The following SDK1 variants were observed in gnomAD, a reference collection of about 807,000 sequenced individuals.
SDK1 encodes the protein sidekick cell adhesion molecule 1.
In SDK1, 157 loss-of-function variants were observed where a neutral mutation model predicts 245.5. The observed-to-expected ratio is 0.64, with a 90% CI of 0.56 to 0.73. The LOEUF is 0.73. Among genes scored for constraint, SDK1 ranks in the 30% least tolerant of loss-of-function variants. SDK1 has a pLI of 0.00. For missense variants in SDK1, 3,583 were observed against 3,002.3 expected (o/e 1.19, Z -4.52); for synonymous variants, 1,647 against 1,278.5 (o/e 1.29, Z -6.15).
At chr7:3,383,520 C>G (rs74697004) in intron 1 of SDK1, among the ~76,000 whole-genome samples, 3 of 152,086 alleles carry the variant, frequency 2.0e-5, no homozygotes. Flanking sequence ...TCCATGTAAT[C>G]AGATTTTGTG....
At chr7:3,667,197 T>C (rs1783560824) in intron 4 of SDK1, among the ~76,000 whole-genome samples, 1 of 152,218 alleles carries the variant, frequency 6.6e-6, no homozygotes, top group South Asian at 2.1e-4. Flanking sequence ...GAAATACATG[T>C]CCATGAAGTT....
At chr7:4,219,453 CA>C (rs763809331) in intron 38 of SDK1, among the ~76,000 whole-genome samples, 3 of 152,236 alleles carry the variant, frequency 2.0e-5, no homozygotes, top group Non-Finnish European at 4.4e-5. Context: ...AGCAAAGTCA[CA>C]TCTTACATGG....
chr7:3,582,683 T>TAAAAAAAAAAAAAAAAAAAAAAAAAAA (rs71029682), intron 1 of SDK1, among the ~76,000 whole-genome samples: 4 of 69,684 alleles, frequency 5.7e-5, no homozygotes, highest in African/African-American at 2.3e-4. Flanking sequence ...TAAACTAAAG[T>TAAAAAAAAAAAAAAAAAAAAAAAAAAA]AAAAAAAAAA....
chr7:4,266,819 A>G lies in SDK1; in HGVS notation c.*1435A>G. On this transcript the variant is annotated 3_prime_UTR_variant, in exon 45 of 45. Transcript: ENST00000404826. ...CCCGGGTCCCTGTAAGTGCCCCCTC[A>G]CCAGCAGCAGCGTGACACACACAAG... 1.0e-6 allele frequency: 1 copy of G among 985,450 alleles called. No individual in the cohort carries two copies. 61.0% of individuals were successfully genotyped at this position (985,450 alleles called of 1,614,324 possible).
intron 1 of SDK1, among the ~76,000 whole-genome samples, chr7:3,490,828 T>G (rs1207036213): frequency 6.6e-6 from 1 of 152,182 alleles, no homozygotes. Flanking sequence ...CTCCTTTTAG[T>G]ATATACTCTC....
At chr7:3,621,683 C>T (rs1195800889) in intron 2 of SDK1, among the ~76,000 whole-genome samples, 1 of 152,210 alleles carries the variant, frequency 6.6e-6, no homozygotes, top group Non-Finnish European at 1.5e-5. Context: ...GTGGTTTCTC[C>T]TCCATCCCAG....
In SDK1 at chr7:4,128,043, G is replaced by A. The variant is rs547883493; in HGVS notation, c.3939+547G>A. On this transcript the variant is annotated intron_variant, in intron 26 of 44. Coordinates refer to ENST00000404826, the MANE Select transcript of SDK1 (RefSeq NM_152744.4). ...AGCTTCTCTGGGGAGCCATTTCTGG[G>A]TTCCATCTTCCATGCATCCACCCCA... 2.6e-5 allele frequency among the ~76,000 whole-genome samples: 4 copies of A among 152,246 alleles called. No individual in the cohort carries two copies. The East Asian group carries it at 7.7e-4, about 29-fold the overall frequency.
chr7:3,407,141 C>T (rs151100813), intron 1 of SDK1, among the ~76,000 whole-genome samples: 6 of 152,140 alleles, frequency 3.9e-5, no homozygotes, highest in African/African-American at 1.4e-4. Context: ...ACTAATGATG[C>T]GTGGGGTGAA....
At chr7:3,580,680 G>A (rs1043016582) in intron 1 of SDK1, among the ~76,000 whole-genome samples, 2 of 152,070 alleles carry the variant, frequency 1.3e-5, no homozygotes, top group Non-Finnish European at 2.9e-5. Context: ...AAAAACTCTG[G>A]AAGATGGGCT....
chr7:3,839,363 G>A (rs1221625796), intron 5 of SDK1, among the ~76,000 whole-genome samples: 1 of 152,154 alleles, frequency 6.6e-6, no homozygotes. Flanking sequence ...AGAGAGCTTA[G>A]AATTCTTGGT....
At chr7:4,051,224 C>T (rs1479649579) in intron 18 of SDK1, among the ~76,000 whole-genome samples, 1 of 136,490 alleles carries the variant, frequency 7.3e-6, no homozygotes, top group Non-Finnish European at 1.5e-5. Flanking sequence ...ATAACATATA[C>T]TATATATGTT....
At chr7:3,659,015 A>C (rs902749055) in intron 4 of SDK1, among the ~76,000 whole-genome samples, 1 of 152,142 alleles carries the variant, frequency 6.6e-6, no homozygotes, top group Admixed American at 6.5e-5. Context: ...CAGGCCTGGC[A>C]ACCACACATC....
At chr7:4,010,933 G>A in intron 14 of SDK1, 33 bp from the exon 15 acceptor site, 3 of 1,612,382 alleles carry the variant, frequency 1.9e-6, no homozygotes, top group Non-Finnish European at 2.5e-6. Flanking sequence ...TGATAAGCCT[G>A]TGGGCTTGAA....
chr7:4,193,733 C>T lies in SDK1; in HGVS notation c.5099-12146C>T, dbSNP rs528722631. Reference sequence around the variant, plus strand: ...CTCTTCCTCTACAGGAGTGAAGACTCTCACTCAAGGCAATCTTAGCAGACT... The same window carrying T: ...CTCTTCCTCTACAGGAGTGAAGACTTTCACTCAAGGCAATCTTAGCAGACT... On this transcript the variant is annotated intron_variant, in intron 35 of 44. Transcript: ENST00000404826. Among the ~76,000 whole-genome samples the T allele has an allele frequency of 3.9e-5, 6 of 152,234 alleles. No individual in the cohort carries two copies. The South Asian group carries it at 1.2e-3, about 32-fold the overall frequency.
chr7:3,636,922 C>T (rs1782471968), intron 2 of SDK1, among the ~76,000 whole-genome samples: 1 of 152,056 alleles, frequency 6.6e-6, no homozygotes, highest in Non-Finnish European at 1.5e-5. Flanking sequence ...TTTGCATTTC[C>T]CTGATGATTA....
chr7:3,979,457 T>A (rs1172621918), intron 13 of SDK1, among the ~76,000 whole-genome samples: 1 of 152,198 alleles, frequency 6.6e-6, no homozygotes, highest in Non-Finnish European at 1.5e-5. Context: ...TGTTTGCTGT[T>A]GAGCCCTCAA....
chr7:3,830,851 G>A (rs772873479), intron 5 of SDK1, among the ~76,000 whole-genome samples: 9 of 152,222 alleles, frequency 5.9e-5, no homozygotes, highest in South Asian at 2.1e-4. Flanking sequence ...AGCCAGCAGC[G>A]AATGCCTGAT....
chr7:4,144,735 C>T (rs910594304), intron 28 of SDK1, among the ~76,000 whole-genome samples: 5 of 152,154 alleles, frequency 3.3e-5, no homozygotes, highest in African/African-American at 1.2e-4. Context: ...CCGGCAGCTC[C>T]TCCCCACAGA....
chr7:3,764,998 G>C (rs80159373), intron 4 of SDK1, among the ~76,000 whole-genome samples: 3,377 of 152,108 alleles, frequency 0.022, 124 homozygotes, highest in African/African-American at 0.079. Context: ...TGAATCTCAA[G>C]TATCTCAGTA....
Sources: gnomAD v4.1 joint callset for allele counts (sites outside exome capture counted in the v4.1 genomes callset) on GRCh38, gnomAD v4.1.1 for gene constraint, MANE v1.5 for transcripts, NCBI Gene and HGNC (gene_info 2026-07-23, HGNC 2026-07-21) for gene names.